GRHL2: variants seen among roughly 807,000 people sequenced by gnomAD.
The protein encoded by GRHL2 is grainyhead-like protein 2 homolog.
In GRHL2, 21 loss-of-function variants were observed where a neutral mutation model predicts 83.8. The observed-to-expected ratio is 0.25, with a 90% CI of 0.18 to 0.36. The LOEUF is 0.36. GRHL2 is among the 10% of genes least tolerant of loss of function. The pLI, the probability that GRHL2 is intolerant of heterozygous loss-of-function variation, is 1.00. For missense variants in GRHL2, 623 were observed against 781.8 expected, an observed-to-expected ratio of 0.80 and a Z score of 2.42; for synonymous variants, 280 against 278.9, an observed-to-expected ratio of 1.00 and a Z score of -0.04.
intron 5 of GRHL2, among the ~76,000 whole-genome samples, chr8:101,571,850 G>A (rs1186262409): frequency 6.6e-6 from 1 of 152,164 alleles, no homozygotes; most frequent in African/African-American, 2.4e-5. Context: ...TAAAATGTGG[G>A]AATAGGAGTC....
intron 1 of GRHL2, among the ~76,000 whole-genome samples, chr8:101,541,147 G>GGTGTGTGTGTGT (rs56763374): frequency 6.9e-6 from 1 of 144,258 alleles, no homozygotes; most frequent in Non-Finnish European, 1.5e-5. Context: ...ACTATTTCAT[G>GGTGTGTGTGTGT]GTGTGTGTGT....
At chr8:101,674,058 G>A (rs1186358504), downstream of GRHL2, among the ~76,000 whole-genome samples, 1 of 152,074 alleles carries the variant, frequency 6.6e-6, no homozygotes, top group African/African-American at 2.4e-5. Flanking sequence ...ATTCAAAGCA[G>A]TGTGTAGAGG....
At chr8:101,519,182 T>C (rs959175808) in intron 1 of GRHL2, among the ~76,000 whole-genome samples, 8 of 151,970 alleles carry the variant, frequency 5.3e-5, no homozygotes, top group Admixed American at 6.6e-5. Flanking sequence ...TTTTTCTTCA[T>C]TGATTTTTTT....
At chr8:101,587,352 A>G (rs1344016117) in intron 7 of GRHL2, among the ~76,000 whole-genome samples, 5 of 152,238 alleles carry the variant, frequency 3.3e-5, no homozygotes, top group African/African-American at 1.2e-4. Context: ...TTTTAATGAC[A>G]GGGTAAAGCT....
intron 1 of GRHL2, among the ~76,000 whole-genome samples, chr8:101,527,285 AT>A (rs1810827681): frequency 6.6e-6 from 1 of 152,216 alleles, no homozygotes; most frequent in South Asian, 2.1e-4. Context: ...TTTTCTATCA[AT>A]ATCAGGAGTT....
intron 2 of GRHL2, among the ~76,000 whole-genome samples, chr8:101,546,903 G>T (rs16867822): frequency 0.027 from 4,082 of 152,242 alleles, 175 homozygotes; most frequent in African/African-American, 0.093. Context: ...CAGGTAGGGA[G>T]TTTACATAAA....
intron 9 of GRHL2, among the ~76,000 whole-genome samples, chr8:101,620,209 A>T (rs192399968): frequency 6.6e-6 from 1 of 152,212 alleles, no homozygotes. Context: ...TACCCTCATG[A>T]CCTCATCTAA....
intron 13 of GRHL2, among the ~76,000 whole-genome samples, chr8:101,645,038 G>A (rs774828298): frequency 1.4e-4 from 21 of 151,534 alleles, no homozygotes; most frequent in Non-Finnish European, 2.8e-4. Context: ...TTATAGAGAC[G>A]AGGTCTCAAT....
chr8:101,661,405 A>G (rs1249850805), intron 14 of GRHL2, among the ~76,000 whole-genome samples: 1 of 152,136 alleles, frequency 6.6e-6, no homozygotes, highest in African/African-American at 2.4e-5. Flanking sequence ...GACTAGTTCC[A>G]GGACACCTCC....
At chr8:101,642,566 C>T (rs983129993) in intron 12 of GRHL2, among the ~76,000 whole-genome samples, 9 of 152,146 alleles carry the variant, frequency 5.9e-5, no homozygotes, top group African/African-American at 1.9e-4. Flanking sequence ...GTAACGTGAC[C>T]TGCTTTTACG....
At chr8:101,620,754 A>G (rs1007209447) in intron 9 of GRHL2, among the ~76,000 whole-genome samples, 1 of 152,196 alleles carries the variant, frequency 6.6e-6, no homozygotes, top group Non-Finnish European at 1.5e-5. Context: ...ACTCACTGGA[A>G]AGTGAAGTGG....
At chr8:101,657,222 C>T (rs187272727) in intron 14 of GRHL2, among the ~76,000 whole-genome samples, 1 of 152,262 alleles carries the variant, frequency 6.6e-6, no homozygotes, top group East Asian at 1.9e-4. Flanking sequence ...CATATAACTC[C>T]ACATAAAAAT....
chr8:101,570,245 T>A, intron 4 of GRHL2, 94 bp from the exon 5 acceptor site: 1 of 1,034,696 alleles, frequency 9.7e-7, no homozygotes. Flanking sequence ...TATTTTCTAA[T>A]GAGAGAATAA....
chr8:101,637,696 A>C (rs1324041021), intron 12 of GRHL2, among the ~76,000 whole-genome samples: 1 of 152,190 alleles, frequency 6.6e-6, no homozygotes, highest in Non-Finnish European at 1.5e-5. Context: ...GAAAATTCCC[A>C]GTGATGGAGA....
In GRHL2 at chr8:101,498,471, C is replaced by T. The variant is rs142024228; in HGVS notation, c.20+5682C>T. On this transcript the variant is annotated intron_variant, in intron 1 of 15. Coordinates refer to ENST00000646743, the MANE Select transcript of GRHL2 (RefSeq NM_024915.4). ...ACTGAATTCAGATTCTATTTTGTAG[C>T]GCAAAGTCAAAGGTAAAGAGCTCTA... Among the ~76,000 whole-genome samples the T allele has an allele frequency of 3.4e-4, 51 of 152,220 alleles. 1 individual carries two copies. The East Asian group carries it at 7.9e-3, about 24-fold the overall frequency.
intron 2 of GRHL2, among the ~76,000 whole-genome samples, chr8:101,545,510 T>C (rs1028444310): frequency 2.6e-5 from 4 of 151,482 alleles, no homozygotes; most frequent in African/African-American, 9.7e-5. Flanking sequence ...AGGCTTTTTA[T>C]TCTTCTTCTT....
rs1375164497 is a variant in GRHL2, at chr8:101,601,159, A to C, written c.1098+2008A>C. ...TGGGTAACAGTATGAGACTGTCTTA[A>C]ACACACACACACACACACACACACA... is the stretch of plus-strand genomic sequence containing the variant. On this transcript the variant is annotated intron_variant, in intron 8 of 15. Coordinates refer to ENST00000646743, the MANE Select transcript of GRHL2 (RefSeq NM_024915.4). 2.2e-5 allele frequency among the ~76,000 whole-genome samples: 3 copies of C among 137,500 alleles called. No homozygotes were observed. In the East Asian group the frequency reaches 6.2e-4, roughly 29 times the overall value. The allele number at this position is 137,500 out of a possible 152,430, so 90.2% of individuals were successfully genotyped here. A position where few individuals can be genotyped will look rare whatever the true frequency, so the allele number is the denominator to read the frequency against.
chr8:101,573,400 G>A (rs918084380), intron 5 of GRHL2, among the ~76,000 whole-genome samples: 12 of 152,282 alleles, frequency 7.9e-5, no homozygotes, highest in Middle Eastern at 3.4e-3. Flanking sequence ...TCCTGGTAGA[G>A]CTGTTTTTTG....
At chr8:101,638,946 T>G (rs1240591640) in intron 12 of GRHL2, among the ~76,000 whole-genome samples, 1 of 152,228 alleles carries the variant, frequency 6.6e-6, no homozygotes, top group Non-Finnish European at 1.5e-5. Flanking sequence ...TCTCTGGGCT[T>G]TGGTTTCCTT....
Sources: allele counts gnomAD v4.1 joint callset (sites outside exome capture counted in the v4.1 genomes callset), GRCh38; gene constraint gnomAD v4.1.1; transcripts MANE v1.5; gene names NCBI Gene and HGNC (gene_info 2026-07-23, HGNC 2026-07-21).